PRDM14: variants seen among roughly 807,000 people sequenced by gnomAD.
PRDM14 encodes the protein PR domain zinc finger protein 14.
In PRDM14, 16 loss-of-function variants were observed where a neutral mutation model predicts 48.0. The ratio of observed to expected loss-of-function variants is 0.33; its 90% CI spans 0.23 to 0.51. The LOEUF is 0.51. Ranked by LOEUF, PRDM14 falls within the 20% of genes least tolerant of loss-of-function variation. PRDM14 has a pLI of 0.97. For synonymous variants in PRDM14, 264 were observed against 276.6 expected, an observed-to-expected ratio of 0.95 and a Z score of 0.45; for missense variants, 566 against 719.6, an observed-to-expected ratio of 0.79 and a Z score of 2.44.
intron 5 of PRDM14, among the ~76,000 whole-genome samples, chr8:70,060,143 A>AT (rs1344031172): frequency 6.6e-6 from 1 of 150,982 alleles, no homozygotes; most frequent in Non-Finnish European, 1.5e-5. Flanking sequence ...GCTCACGCCT[A>AT]TAATCCCAAC....
rs1448162022 is a variant in PRDM14, at chr8:70,071,241, T to A, written c.-116A>T. 1 of 152,226 alleles carries A rather than the reference T, an allele frequency of 6.6e-6. No homozygotes were observed. The highest frequency in any genetic ancestry group is 1.5e-5 in the Non-Finnish European group (1 of 68,106). 9.4% of individuals were successfully genotyped at this position (152,226 alleles called of 1,614,324 possible). A position where few individuals can be genotyped will look rare whatever the true frequency, so the allele number is the denominator to read the frequency against. ...GGCTCGGTAGGCCACTCGGGCTCGG[T>A]AGACTTCGGGCGGGCCCTGAGGGCT... On this transcript the variant is annotated 5_prime_UTR_variant, in exon 1 of 8. Transcript: ENST00000276594. This position sits in a 1 kb window ranked among gnomAD's most constrained non-coding sequence, Gnocchi z 5.2.
chr8:70,060,476 G>C (rs768708128), intron 5 of PRDM14, among the ~76,000 whole-genome samples: 15 of 150,954 alleles, frequency 9.9e-5, no homozygotes, highest in Non-Finnish European at 5.9e-5. Flanking sequence ...TTCTTTTATA[G>C]AAACATATAT....
chr8:70,053,951 A>G (rs1218056631), intron 7 of PRDM14, among the ~76,000 whole-genome samples: 1 of 152,234 alleles, frequency 6.6e-6, no homozygotes. Context: ...TCCATCTTGG[A>G]AATCAATGGC....
At chr8:70,055,215 T>C (rs1300368709) in intron 7 of PRDM14, 85 bp downstream of exon 7, 10 of 733,646 alleles carry the variant, frequency 1.4e-5, no homozygotes, top group African/African-American at 7.0e-5. Flanking sequence ...CAAGAACTCA[T>C]TAAGCCAGGC....
At chr8:70,054,637 G>A (rs1291109039) in intron 7 of PRDM14, among the ~76,000 whole-genome samples, 3 of 149,238 alleles carry the variant, frequency 2.0e-5, no homozygotes, top group Non-Finnish European at 4.4e-5. Flanking sequence ...TCCTGCCTCA[G>A]CCTCCCAAGT....
At chr8:70,069,011 C>T in intron 2 of PRDM14, 150 bp downstream of exon 2, 1 of 637,214 alleles carries the variant, frequency 1.6e-6, no homozygotes, top group Non-Finnish European at 2.6e-6. Flanking sequence ...CAGAAGTGAG[C>T]CTAGAACAGC....
At chr8:70,055,268 G>T in intron 7 of PRDM14, 32 bp downstream of exon 7, 1 of 1,255,880 alleles carries the variant, frequency 8.0e-7, no homozygotes, top group Non-Finnish European at 1.2e-6. Flanking sequence ...GCAGAGCTCA[G>T]GACACATCCC....
chr8:70,057,416 G>A (rs893418365), intron 6 of PRDM14, among the ~76,000 whole-genome samples: 1 of 149,636 alleles, frequency 6.7e-6, no homozygotes, highest in South Asian at 2.1e-4. Flanking sequence ...TGCAACCTCC[G>A]CCTCTGGGGT....
Position 70,066,414 on chromosome 8 carries a change from T to C in PRDM14, c.1004A>G (p.Lys335Arg). ...CTGCACAGCAACTAGGTTCTGCTCC[T>C]TGGGGAAGCGGGCACAGTTGACATA... ...MSYVNCARFP[K>R]EQNLVAVQCQ... Residue 335 changes from lysine to arginine, a missense_variant, in exon 5 of 8, where the codon AAG becomes AGG. By Grantham distance (26) the Lys-to-Arg change is conservative (BLOSUM62 2). Coordinates refer to ENST00000276594, the MANE Select transcript of PRDM14 (RefSeq NM_024504.4). 1 of 1,614,198 alleles carries C rather than the reference T, an allele frequency of 6.2e-7. No individual in the cohort carries two copies. Among genetic ancestry groups the C allele is most frequent in the Non-Finnish European group, 8.5e-7 (1 of 1,180,030 alleles).
chr8:70,068,130 C>T lies in PRDM14; in HGVS notation c.912+100G>A. 3 of 1,341,700 alleles carry T rather than the reference C, an allele frequency of 2.2e-6. No individual in the cohort carries two copies. The Admixed American group carries it at 5.4e-5, about 24-fold the overall frequency. 83.1% of individuals were successfully genotyped at this position (1,341,700 alleles called of 1,614,324 possible). On this transcript the variant is annotated intron_variant, in intron 4 of 7. Coordinates refer to ENST00000276594, the MANE Select transcript of PRDM14 (RefSeq NM_024504.4). Reference sequence around the variant, plus strand: ...CAGATATCTGCCCTGGATGTCCTCTCTCTCTGACCAGGACTCTCCCAAAAG... The same window carrying T: ...CAGATATCTGCCCTGGATGTCCTCTTTCTCTGACCAGGACTCTCCCAAAAG...
chr8:70,066,378 T>C lies in PRDM14; in HGVS notation c.1040A>G (p.His347Arg), dbSNP rs145533589. ...QNLVAVQCQGHIFYESCKEIH... is the reference protein window; with the variant it reads ...QNLVAVQCQGRIFYESCKEIH... ...CTCTTTGCAGCTCTCATAAAATATA[T>C]GCCCTTGACACTGCACAGCAACTAG... is the stretch of plus-strand genomic sequence containing the variant. The change falls in exon 5 of 8, where the codon CAT becomes CGT. Residue 347 changes from histidine (H) to arginine (R), a missense_variant. Coordinates refer to ENST00000276594, the MANE Select transcript of PRDM14 (RefSeq NM_024504.4). 16 of 1,614,200 alleles carry C rather than the reference T, an allele frequency of 9.9e-6. 1 individual carries two copies. The highest frequency in any genetic ancestry group is 1.6e-4 in the Middle Eastern group (1 of 6,062).
At chr8:70,063,444 A>G (rs1317106582) in intron 5 of PRDM14, among the ~76,000 whole-genome samples, 1 of 152,076 alleles carries the variant, frequency 6.6e-6, no homozygotes, top group Non-Finnish European at 1.5e-5. Flanking sequence ...AAAAAATAAT[A>G]ATGATTTCTC....
chr8:70,053,486 G>C (rs1313586342), intron 7 of PRDM14, among the ~76,000 whole-genome samples: 5 of 152,082 alleles, frequency 3.3e-5, no homozygotes, highest in African/African-American at 1.2e-4. Context: ...CACCTCCCAG[G>C]TTCAAGCGAT....
At position 70,068,514 on chromosome 8, in the gene PRDM14, T is replaced by C. The variant is rs2131043226; in HGVS notation, c.719A>G (p.Gln240Arg). The C allele has an allele frequency of 4.3e-6, 7 of 1,614,094 alleles. No individual in the cohort carries two copies. The highest frequency in any genetic ancestry group is 1.1e-5 in the South Asian group (1 of 91,068). Residue 240 changes from glutamine (Q) to arginine (R), a missense_variant, in exon 3 of 8, where the codon CAA (glutamine) becomes CGA (arginine). This residue lies in a region of PRDM14 where 410 missense variants were observed against 424.6 expected (regional missense o/e 0.97). Coordinates refer to ENST00000276594, the MANE Select transcript of PRDM14 (RefSeq NM_024504.4). The part of the protein sequence containing the change: ...PDSSGSDSLP[Q>R]TLDKDSLQLP... Reference sequence around the variant, plus strand: ...TTGAAGGGAGTCTTTATCCAGAGTTTGAGGAAGAGAATCAGATCCTAGCAA... The same window carrying C: ...TTGAAGGGAGTCTTTATCCAGAGTTCGAGGAAGAGAATCAGATCCTAGCAA...
rs1563443432 is a variant in PRDM14, at chr8:70,069,556, T to TACCACG, written c.299_304dup (p.Trp101_Tyr102insSerTrp). The TACCACG allele has an allele frequency of 6.2e-7, 1 of 1,608,832 alleles. No homozygotes were observed. The highest frequency in any genetic ancestry group is 1.1e-5 in the South Asian group (1 of 90,418). ...TTCCCTGGGGACGTGGGGAATTGGG[T>TACCACG]ACCACGGTGGCAGCTTGCTGTACCA... On this transcript the variant is annotated inframe_insertion, in exon 2 of 8. Transcript: ENST00000276594.
intron 7 of PRDM14, among the ~76,000 whole-genome samples, chr8:70,054,515 ATTTTTT>A (rs561179179): frequency 8.7e-6 from 1 of 115,022 alleles, no homozygotes. Context: ...TGAAATAGTG[ATTTTTT>A]TTTTTTTTTT....
At chr8:70,062,400 T>C (rs1303410901) in intron 5 of PRDM14, among the ~76,000 whole-genome samples, 3 of 152,230 alleles carry the variant, frequency 2.0e-5, no homozygotes, top group African/African-American at 7.2e-5. Flanking sequence ...AACTTTGGAA[T>C]ATTTCATATA....
intron 5 of PRDM14, among the ~76,000 whole-genome samples, chr8:70,059,448 T>C (rs530225239): frequency 6.6e-6 from 1 of 151,960 alleles, no homozygotes; most frequent in South Asian, 2.1e-4. Flanking sequence ...ATTTTTGTAT[T>C]TTTAGTAGAG....
chr8:70,051,664 C>T lies in PRDM14; in HGVS notation c.*413G>A, dbSNP rs1157503270. ...TGTTGGAATAACAGGCGTGAGCCAC[C>T]ACACACAGCCAACTGCAGGGACTTC... On this transcript the variant is annotated 3_prime_UTR_variant, in exon 8 of 8. Transcript: ENST00000276594. The T allele has an allele frequency of 6.4e-6, 1 of 156,542 alleles. No homozygotes were observed. Among genetic ancestry groups the T allele is most frequent in the Non-Finnish European group, 1.4e-5 (1 of 70,702 alleles). 9.7% of individuals were successfully genotyped at this position (156,542 alleles called of 1,614,324 possible).
Sources: gnomAD v4.1 joint callset for allele counts (sites outside exome capture counted in the v4.1 genomes callset) on GRCh38, gnomAD v4.1.1 for gene constraint, gnomAD v4.1.1 regional missense constraint, Gnocchi (gnomAD v3.1) non-coding constraint, MANE v1.5 for transcripts, NCBI Gene and HGNC (gene_info 2026-07-23, HGNC 2026-07-21) for gene names.